ITPKB: variants seen among roughly 807,000 people sequenced by gnomAD.
The protein encoded by ITPKB is inositol-trisphosphate 3-kinase B, also known as IP3 3-kinase B.
In ITPKB, 13 loss-of-function variants were observed where a neutral mutation model predicts 69.4. The observed-to-expected ratio is 0.19, with a 90% CI of 0.12 to 0.30. The LOEUF is 0.30. Among genes scored for constraint, ITPKB ranks in the 10% least tolerant of loss-of-function variants. The pLI is 1.00. For synonymous variants in ITPKB, 584 were observed against 513.7 expected (o/e 1.14, Z -1.85); for missense variants, 1,240 against 1,250.5 (o/e 0.99, Z 0.13).
intron 2 of ITPKB, chr1:226,669,319 C>G (rs1051350056): frequency 2.0e-5 from 3 of 152,254 alleles, no homozygotes; most frequent in Admixed American, 6.5e-5. Context: ...ATCGCTTGAA[C>G]CCAGGAGGCG....
In ITPKB at chr1:226,718,655, T is replaced by TTGCATACC. The variant is rs1303802109; in HGVS notation, c.1932+16864_1932+16871dup. Among the ~76,000 whole-genome samples the TTGCATACC allele has an allele frequency of 1.3e-4, 20 of 152,270 alleles. No homozygotes were observed. In the South Asian group the frequency reaches 3.1e-3, roughly 24 times the overall value. On this transcript the variant is annotated intron_variant, in intron 2 of 7. Transcript: ENST00000429204. ...AGAAAGAACCTACAATGAGATGGCC[T>TTGCATACC]TGCATACCTGCATACCTACCAGAGT... is the stretch of plus-strand genomic sequence containing the variant.
chr1:226,635,203 T>A (rs1200846845), intron 7 of ITPKB, among the ~76,000 whole-genome samples: 1 of 152,012 alleles, frequency 6.6e-6, no homozygotes, highest in African/African-American at 2.4e-5. Context: ...CTGCCTTCCT[T>A]CTTTTCCTTC....
intron 1 of ITPKB, among the ~76,000 whole-genome samples, 187 bp from the exon 2 acceptor site, chr1:226,737,850 C>T (rs1657854239): frequency 6.6e-6 from 1 of 152,154 alleles, no homozygotes; most frequent in Non-Finnish European, 1.5e-5. Context: ...GTCGCCAGCG[C>T]GGTTTCGGGT....
At chr1:226,686,819 A>G (rs957933338) in intron 2 of ITPKB, among the ~76,000 whole-genome samples, 1 of 152,242 alleles carries the variant, frequency 6.6e-6, no homozygotes, top group African/African-American at 2.4e-5. Flanking sequence ...AAGTGTGCAC[A>G]TGCCACTGTG....
chr1:226,733,515 G>A (rs1277709979), intron 2 of ITPKB, among the ~76,000 whole-genome samples: 2 of 151,990 alleles, frequency 1.3e-5, no homozygotes, highest in East Asian at 1.9e-4. Flanking sequence ...CTCAACCAAA[G>A]CTCAAAAGTC....
At chr1:226,701,958 T>C (rs1227985146) in intron 2 of ITPKB, among the ~76,000 whole-genome samples, 1 of 151,884 alleles carries the variant, frequency 6.6e-6, no homozygotes, top group Non-Finnish European at 1.5e-5. Context: ...TCCTCCTTCC[T>C]CCCCTAAGTC....
Position 226,737,173 on chromosome 1 carries a change from TACTGCCGCTGCTGCCGCTGCC to T in ITPKB, c.265_285del (p.Gly89_Ser95del), listed in dbSNP as rs777704475. On this transcript the variant is annotated inframe_deletion, in exon 2 of 8. Transcript: ENST00000429204. Reference sequence around the variant, plus strand: ...CCAGCCCAACTTGGGCTGCTCACGCTACTGCCGCTGCTGCCGCTGCCACTGCCGCTGCTACTATTCAGCCTG... The same window carrying T: ...CCAGCCCAACTTGGGCTGCTCACGCTACTGCCGCTGCTACTATTCAGCCTG... 6.3e-6 allele frequency: 10 copies of T among 1,579,084 alleles called. No homozygotes were observed. In the East Asian group the frequency reaches 1.1e-4, roughly 18 times the overall value.
At position 226,726,686 on chromosome 1, in the gene ITPKB, AT is replaced by A. The variant is rs907420062; in HGVS notation, c.1932+8840del. On this transcript the variant is annotated intron_variant, in intron 2 of 7. Transcript: ENST00000429204. ...GTGAGACTCTGTCTCAAATTCATAA[AT>A]TTTTTTTTTTTGTAAAAGAAAAAGC... Among the ~76,000 whole-genome samples the A allele has an allele frequency of 4.9e-3, 729 of 147,498 alleles. 5 individuals carry two copies. The highest frequency in any genetic ancestry group is 0.016 in the African/African-American group (659 of 40,366).
intron 2 of ITPKB, among the ~76,000 whole-genome samples, chr1:226,653,540 G>A (rs1350860370): frequency 3.3e-5 from 5 of 152,138 alleles, no homozygotes; most frequent in Non-Finnish European, 7.4e-5. Flanking sequence ...TGCCACTTCC[G>A]GTGCAGCTGT....
chr1:226,699,010 C>A (rs1656567095), intron 2 of ITPKB, among the ~76,000 whole-genome samples: 1 of 152,202 alleles, frequency 6.6e-6, no homozygotes, highest in Non-Finnish European at 1.5e-5. Context: ...AGGAACAATG[C>A]CTTAAGTTTT....
intron 2 of ITPKB, chr1:226,656,980 AG>A (rs1213595103): frequency 1.3e-5 from 2 of 152,208 alleles, no homozygotes; most frequent in African/African-American, 4.8e-5. Flanking sequence ...TTTTCCTCCA[AG>A]GCATAGCAGA....
intron 2 of ITPKB, among the ~76,000 whole-genome samples, chr1:226,723,266 G>A (rs1405654666): frequency 6.6e-6 from 1 of 152,154 alleles, no homozygotes; most frequent in Non-Finnish European, 1.5e-5. Context: ...GTCCTGGGTA[G>A]GTTCTCTGTG....
chr1:226,712,475 A>C (rs74141816), intron 2 of ITPKB, among the ~76,000 whole-genome samples: 1 of 152,334 alleles, frequency 6.6e-6, no homozygotes, highest in African/African-American at 2.4e-5. Flanking sequence ...TTCTTTACTC[A>C]AATTCCCAGA....
chr1:226,685,361 C>T (rs1558085042), intron 2 of ITPKB, among the ~76,000 whole-genome samples: 1 of 152,208 alleles, frequency 6.6e-6, no homozygotes, highest in Admixed American at 6.5e-5. Flanking sequence ...CGACATTGAC[C>T]CACTCACCAT....
At position 226,736,006 on chromosome 1, in the gene ITPKB, C is replaced by T. The variant is rs992211791; in HGVS notation, c.1453G>A (p.Ala485Thr). 1.2e-6 allele frequency: 2 copies of T among 1,613,774 alleles called. No homozygotes were observed. Among genetic ancestry groups the T allele is most frequent in the African/African-American group, 2.7e-5 (2 of 74,934 alleles). The change falls in exon 2 of 8, where the codon GCG becomes ACG. Residue 485 changes from alanine to threonine, a missense_variant. Transcript: ENST00000429204. ...CACTGAGGTTCTTTCAGATCTTTCG[C>T]AGCGTCCCAACAGGGCAAAGGCTCC... ...MLEPLPCWDA[A>T]KDLKEPQCPP...
rs1668758106 is a variant in ITPKB, at chr1:226,633,106, T to G, written c.*1565A>C. 1 of 152,232 alleles carries G rather than the reference T, an allele frequency of 6.6e-6. No homozygotes were observed. Among genetic ancestry groups the G allele is most frequent in the Admixed American group, 6.5e-5 (1 of 15,292 alleles). The allele number at this position is 152,232 out of a possible 1,614,324, so 9.4% of individuals were successfully genotyped here. ...GCCAGGAAGTGTAAGTTGATTTCCTTTTTTAAAATCTGTACTTATACATCC... is the reference window on the plus strand; with the variant it reads ...GCCAGGAAGTGTAAGTTGATTTCCTGTTTTAAAATCTGTACTTATACATCC... On this transcript the variant is annotated 3_prime_UTR_variant, in exon 8 of 8. Transcript: ENST00000429204.
rs1160326571 is a variant in ITPKB at position 226,642,481 on chromosome 1, T to C, written c.2247-356A>G. ...CACCACCCAGCCTGGGGTTGGCTCT[T>C]GATCCAGGAGAAAAGGTGCAGCCTC... is the stretch of plus-strand genomic sequence containing the variant. On this transcript the variant is annotated intron_variant, in intron 4 of 7. Transcript: ENST00000429204. The surrounding 1 kb of genome is among the most constrained non-coding windows in gnomAD (Gnocchi z 6.4). Among the ~76,000 whole-genome samples the C allele has an allele frequency of 1.3e-5, 2 of 152,112 alleles. No individual in the cohort carries two copies. Among genetic ancestry groups the C allele is most frequent in the African/African-American group, 4.8e-5 (2 of 41,404 alleles).
At chr1:226,707,837 T>C (rs1656839960) in intron 2 of ITPKB, 2 of 1,218,200 alleles carry the variant, frequency 1.6e-6, no homozygotes, top group Admixed American at 3.2e-5. Flanking sequence ...TGTAGGAAGA[T>C]GAAATATGCT....
intron 2 of ITPKB, among the ~76,000 whole-genome samples, chr1:226,719,023 TC>T (rs1280476940): frequency 6.6e-6 from 1 of 152,126 alleles, no homozygotes; most frequent in Non-Finnish European, 1.5e-5. Flanking sequence ...GCCTGTAATC[TC>T]AGCACTTTGG....
Sources: allele counts gnomAD v4.1 joint callset (sites outside exome capture counted in the v4.1 genomes callset), GRCh38; gene constraint gnomAD v4.1.1; non-coding constraint Gnocchi (gnomAD v3.1); transcripts MANE v1.5; gene names NCBI Gene and HGNC (gene_info 2026-07-23, HGNC 2026-07-21).